Variants in BBS9 observed in about 807,000 individuals in gnomAD.
The protein encoded by BBS9 is protein PTHB1.
A neutral mutation model predicts 117.7 loss-of-function variants in BBS9; 89 were observed. The observed-to-expected ratio is 0.76, with a 90% CI of 0.64 to 0.90. The LOEUF is 0.90. Among genes scored for constraint, BBS9 ranks in the 40% least tolerant of loss-of-function variants. BBS9 has a pLI of 0.00. For synonymous variants in BBS9, 379 were observed against 370.9 expected, an observed-to-expected ratio of 1.02 and a Z score of -0.25; for missense variants, 982 against 1,042.2, an observed-to-expected ratio of 0.94 and a Z score of 0.80.
At chr7:33,621,230 G>A (rs1292663150) in intron 21 of BBS9, among the ~76,000 whole-genome samples, 1 of 152,126 alleles carries the variant, frequency 6.6e-6, no homozygotes, top group Non-Finnish European at 1.5e-5. Flanking sequence ...GCTCTGCACA[G>A]CAAAGGAGAC....
intron 19 of BBS9, chr7:33,390,572 A>G (rs1826886103): frequency 2.1e-6 from 2 of 961,060 alleles, no homozygotes; most frequent in Admixed American, 1.2e-4. Flanking sequence ...TATTATATGT[A>G]TATATTTGTA....
At chr7:33,347,296 T>G (rs991176386) in intron 12 of BBS9, among the ~76,000 whole-genome samples, 40 of 152,074 alleles carry the variant, frequency 2.6e-4, no homozygotes, top group African/African-American at 8.9e-4. Flanking sequence ...ATGTACAGAC[T>G]AGTATTATAT....
intron 2 of BBS9, among the ~76,000 whole-genome samples, chr7:33,148,398 TG>T (rs1473525456): frequency 6.6e-6 from 1 of 152,122 alleles, no homozygotes; most frequent in African/African-American, 2.4e-5. Context: ...CTAATTAGGC[TG>T]GTAACTGGGA....
At chr7:33,356,299 T>A (rs1372747513) in intron 15 of BBS9, among the ~76,000 whole-genome samples, 1 of 151,840 alleles carries the variant, frequency 6.6e-6, no homozygotes, top group East Asian at 1.9e-4. Flanking sequence ...GCTTTGTAAT[T>A]GTTTTGTGGT....
chr7:33,141,256 C>G (rs756824767), intron 1 of BBS9, among the ~76,000 whole-genome samples: 3 of 152,102 alleles, frequency 2.0e-5, no homozygotes, highest in African/African-American at 7.2e-5. Flanking sequence ...AACTCCATCT[C>G]TACTAAAATA....
At chr7:33,329,756 GT>G (rs1218665001) in intron 9 of BBS9, among the ~76,000 whole-genome samples, 2 of 152,108 alleles carry the variant, frequency 1.3e-5, no homozygotes, top group African/African-American at 2.4e-5. Context: ...GTATGTCTCC[GT>G]GTACCTTCTC....
intron 19 of BBS9, among the ~76,000 whole-genome samples, chr7:33,485,552 A>G (rs1257454842): frequency 6.6e-6 from 1 of 152,004 alleles, no homozygotes; most frequent in Non-Finnish European, 1.5e-5. Flanking sequence ...CTCGTGATCC[A>G]CCTGCCTCGG....
At chr7:33,387,956 C>A in intron 18 of BBS9, 36 bp from the exon 19 acceptor site, 1 of 1,603,222 alleles carries the variant, frequency 6.2e-7, no homozygotes, top group South Asian at 1.1e-5. Flanking sequence ...TTTTTTGTGT[C>A]CATTTAATCT....
intron 4 of BBS9, among the ~76,000 whole-genome samples, chr7:33,163,622 G>A (rs918145084): frequency 2.6e-5 from 4 of 152,104 alleles, no homozygotes; most frequent in Non-Finnish European, 4.4e-5. Context: ...TTGCATAGAG[G>A]TGTTTATAGT....
chr7:33,497,571 A>G (rs180696570), intron 19 of BBS9, among the ~76,000 whole-genome samples: 2 of 152,284 alleles, frequency 1.3e-5, no homozygotes, highest in African/African-American at 2.4e-5. Flanking sequence ...TCAGTAAGGT[A>G]TAAAAGAAGA....
intron 5 of BBS9, among the ~76,000 whole-genome samples, chr7:33,234,953 T>C (rs1416721774): frequency 9.0e-6 from 1 of 111,530 alleles, no homozygotes; most frequent in Non-Finnish European, 2.2e-5. Context: ...ATATAATCAT[T>C]TTTTCTCCTT....
At chr7:33,553,070 T>C (rs1325512359) in intron 21 of BBS9, among the ~76,000 whole-genome samples, 1 of 152,098 alleles carries the variant, frequency 6.6e-6, no homozygotes, top group African/African-American at 2.4e-5. Context: ...TTCCCAAACA[T>C]TCCCTCTCCT....
chr7:33,476,767 C>A (rs574035112), intron 19 of BBS9, among the ~76,000 whole-genome samples: 2 of 152,310 alleles, frequency 1.3e-5, no homozygotes, highest in Admixed American at 1.3e-4. Flanking sequence ...AAACTGTCAA[C>A]CCCAACTGTC....
At chr7:33,405,239 C>T (rs1402630772) in intron 19 of BBS9, among the ~76,000 whole-genome samples, 28 of 152,098 alleles carry the variant, frequency 1.8e-4, no homozygotes, top group African/African-American at 4.6e-4. Flanking sequence ...CTGCTGTATT[C>T]GGTTTGCCAG....
chr7:33,476,115 A>C (rs146064445), intron 19 of BBS9, among the ~76,000 whole-genome samples: 1 of 152,358 alleles, frequency 6.6e-6, no homozygotes, highest in Non-Finnish European at 1.5e-5. Context: ...TACAAAATTT[A>C]TAACATTTTG....
intron 12 of BBS9, among the ~76,000 whole-genome samples, chr7:33,348,000 TA>T (rs1817918879): frequency 1.3e-5 from 2 of 152,112 alleles, no homozygotes; most frequent in Non-Finnish European, 2.9e-5. Flanking sequence ...TACTTAGATA[TA>T]ATTTAGATAC....
chr7:33,190,543 G>C (rs534088905), intron 5 of BBS9, among the ~76,000 whole-genome samples: 1 of 152,166 alleles, frequency 6.6e-6, no homozygotes, highest in Non-Finnish European at 1.5e-5. Flanking sequence ...ACTGGCTAAC[G>C]TCACTTGAGC....
chr7:33,298,422 T>A (rs189517451), intron 9 of BBS9, among the ~76,000 whole-genome samples: 2 of 152,286 alleles, frequency 1.3e-5, no homozygotes, highest in East Asian at 3.9e-4. Context: ...GCCTGGCACA[T>A]GACATTATGT....
chr7:33,567,133 T>C (rs1011279310), intron 21 of BBS9, among the ~76,000 whole-genome samples: 1 of 152,192 alleles, frequency 6.6e-6, no homozygotes, highest in African/African-American at 2.4e-5. Context: ...AAGTCCAGAC[T>C]GTTCTCTATT....
Sources: gnomAD v4.1 joint callset for allele counts (sites outside exome capture counted in the v4.1 genomes callset) on GRCh38, gnomAD v4.1.1 for gene constraint, MANE v1.5 for transcripts, NCBI Gene and HGNC (gene_info 2026-07-23, HGNC 2026-07-21) for gene names.